The following KHDRBS2 variants were observed in gnomAD, a reference collection of about 807,000 sequenced individuals.
KHDRBS2 encodes the protein KH domain-containing, RNA-binding, signal transduction-associated protein 2.
KHDRBS2 carries 26 observed loss-of-function variants against 44.3 expected under a neutral mutation model. The ratio of observed to expected loss-of-function variants is 0.59; its 90% CI spans 0.43 to 0.81. KHDRBS2 has a LOEUF of 0.81. Ranked by LOEUF, KHDRBS2 falls within the 40% of genes least tolerant of loss-of-function variation. The pLI is 0.00. For missense variants in KHDRBS2, 476 were observed against 433.1 expected (o/e 1.10, Z -0.88); for synonymous variants, 194 against 151.1 (o/e 1.28, Z -2.08).
At chr6:62,230,486 G>C (rs1832721600) in intron 1 of KHDRBS2, among the ~76,000 whole-genome samples, 1 of 152,058 alleles carries the variant, frequency 6.6e-6, no homozygotes, top group African/African-American at 2.4e-5. Context: ...ACATTGTTTT[G>C]AACAGACTAT....
At chr6:62,203,704 G>A (rs376142040) in intron 1 of KHDRBS2, among the ~76,000 whole-genome samples, 11 of 152,210 alleles carry the variant, frequency 7.2e-5, no homozygotes, top group East Asian at 1.9e-4. Context: ...TAAAAGTTAC[G>A]TTTAAGACGG....
chr6:61,642,565 G>A, the KHDRBS2 span, among the ~76,000 whole-genome samples: 2 of 151,216 alleles, frequency 1.3e-5, no homozygotes, highest in East Asian at 3.9e-4. Context: ...GGGAGGCTGA[G>A]GTGGGAGGAT....
intron 6 of KHDRBS2, among the ~76,000 whole-genome samples, chr6:61,807,734 C>T (rs1787392938): frequency 6.6e-6 from 1 of 152,022 alleles, no homozygotes; most frequent in African/African-American, 2.4e-5. Flanking sequence ...TACTTATTAA[C>T]TGGGTGACTA....
the KHDRBS2 span, among the ~76,000 whole-genome samples, chr6:61,658,424 C>T: frequency 2.6e-5 from 4 of 151,854 alleles, no homozygotes; most frequent in African/African-American, 4.8e-5. Context: ...CTGTCCACAT[C>T]TGACCTTCCA....
At chr6:62,259,599 T>C (rs1837997519) in intron 1 of KHDRBS2, among the ~76,000 whole-genome samples, 2 of 151,982 alleles carry the variant, frequency 1.3e-5, no homozygotes, top group South Asian at 4.1e-4. Context: ...ATGGTTTAGA[T>C]TCACTGAAAT....
At chr6:61,846,369 C>T (rs376955425) in intron 6 of KHDRBS2, among the ~76,000 whole-genome samples, 60 of 152,228 alleles carry the variant, frequency 3.9e-4, no homozygotes, top group African/African-American at 1.3e-3. Flanking sequence ...CAGTTGCTAC[C>T]TTTACCCCAA....
chr6:61,716,540 G>A (rs936099683), intron 7 of KHDRBS2, among the ~76,000 whole-genome samples: 4 of 151,962 alleles, frequency 2.6e-5, no homozygotes, highest in African/African-American at 7.2e-5. Flanking sequence ...AAGATAACAA[G>A]CATTACTGAC....
At chr6:62,246,136 A>ATATATATATATATATATAT (rs1563129377) in intron 1 of KHDRBS2, among the ~76,000 whole-genome samples, 2 of 139,096 alleles carry the variant, frequency 1.4e-5, no homozygotes, top group African/African-American at 5.3e-5. Flanking sequence ...ATATATATAT[A>ATATATATATATATATATAT]ATCAATGTTA....
intron 4 of KHDRBS2, among the ~76,000 whole-genome samples, chr6:61,976,383 T>C (rs973185792): frequency 3.9e-5 from 6 of 152,134 alleles, no homozygotes; most frequent in Non-Finnish European, 2.9e-5. Flanking sequence ...TCATTCTGTC[T>C]AGGAAGTGAG....
intron 1 of KHDRBS2, among the ~76,000 whole-genome samples, chr6:62,263,998 C>A (rs1585498970): frequency 6.6e-6 from 1 of 151,832 alleles, no homozygotes; most frequent in South Asian, 2.1e-4. Flanking sequence ...AATGCAGAGT[C>A]AGGTACACGG....
chr6:61,921,411 A>AT (rs1405886909), intron 4 of KHDRBS2, among the ~76,000 whole-genome samples: 2 of 151,846 alleles, frequency 1.3e-5, no homozygotes, highest in African/African-American at 2.4e-5. Flanking sequence ...CTTTATTGAT[A>AT]TTTTTTCAAT....
chr6:61,636,566 A>G, the KHDRBS2 span, among the ~76,000 whole-genome samples: 3,713 of 152,120 alleles, frequency 0.024, 68 homozygotes, highest in Middle Eastern at 0.088. Flanking sequence ...CTCCCAGGGG[A>G]CATTTGGCAA....
chr6:61,721,440 C>A (rs1376273225), intron 7 of KHDRBS2, among the ~76,000 whole-genome samples: 2 of 149,570 alleles, frequency 1.3e-5, no homozygotes, highest in South Asian at 2.1e-4. Context: ...TTGTTTGTAT[C>A]CTCTTTTATT....
chr6:61,574,925 A>G, the KHDRBS2 span, among the ~76,000 whole-genome samples: 2 of 152,130 alleles, frequency 1.3e-5, no homozygotes, highest in Non-Finnish European at 2.9e-5. Context: ...AGAGAAAAGA[A>G]TGAAACTGGA....
At chr6:61,627,252 CAAAAAAAAAAAAA>C in the KHDRBS2 span, among the ~76,000 whole-genome samples, 2 of 76,120 alleles carry the variant, frequency 2.6e-5, no homozygotes, top group Non-Finnish European at 4.8e-5. Context: ...GACTCCGTCT[CAAAAAAAAAAAAA>C]AAAAAAAAAA....
At chr6:62,032,507 T>A (rs539840765) in intron 3 of KHDRBS2, among the ~76,000 whole-genome samples, 2 of 151,068 alleles carry the variant, frequency 1.3e-5, no homozygotes, top group African/African-American at 4.8e-5. Context: ...GAGTTAATAC[T>A]TAATAAACTC....
intron 6 of KHDRBS2, among the ~76,000 whole-genome samples, chr6:61,869,750 A>G (rs575004708): frequency 1.3e-4 from 20 of 152,200 alleles, no homozygotes; most frequent in South Asian, 4.1e-4. Context: ...TGGGAAGCAT[A>G]AGGGATTGGG....
intron 7 of KHDRBS2, among the ~76,000 whole-genome samples, chr6:61,707,150 G>T (rs967289874): frequency 8.6e-5 from 13 of 151,622 alleles, no homozygotes; most frequent in African/African-American, 2.7e-4. Context: ...TAGGAAAAAA[G>T]AATAGAAAAC....
chr6:61,840,577 T>C (rs1259230221), intron 6 of KHDRBS2, among the ~76,000 whole-genome samples: 2 of 152,114 alleles, frequency 1.3e-5, no homozygotes, highest in African/African-American at 4.8e-5. Flanking sequence ...CTAGCCTATC[T>C]AAGCTGACTT....
Sources: gnomAD v4.1 joint callset for allele counts (sites outside exome capture counted in the v4.1 genomes callset) on GRCh38, gnomAD v4.1.1 for gene constraint, MANE v1.5 for transcripts, NCBI Gene and HGNC (gene_info 2026-07-23, HGNC 2026-07-21) for gene names.